Variants in TBC1D30 observed in about 807,000 individuals in gnomAD.
TBC1D30 encodes TBC1 domain family member 30.
Under a neutral mutation model 63.2 loss-of-function variants are expected in TBC1D30, and 31 were observed. The ratio of observed to expected loss-of-function variants is 0.49; its 90% CI spans 0.37 to 0.66. The LOEUF (loss-of-function observed/expected upper bound fraction) is 0.66, where lower values mean the gene tolerates loss of function less well. Ranked by LOEUF, TBC1D30 falls within the 30% of genes least tolerant of loss-of-function variation. The pLI is 0.00. For synonymous variants in TBC1D30, 307 were observed against 361.5 expected (o/e 0.85, Z 1.71); for missense variants, 810 against 953.6 (o/e 0.85, Z 1.98).
intron 8 of TBC1D30, among the ~76,000 whole-genome samples, chr12:64,848,933 T>C (rs1876630658): frequency 6.6e-6 from 1 of 152,126 alleles, no homozygotes; most frequent in Non-Finnish European, 1.5e-5. Context: ...CTCTCCAGCA[T>C]CTGTTGTTTC....
chr12:64,785,785 A>T, intron 1 of TBC1D30: 1 of 1,018,552 alleles, frequency 9.8e-7, no homozygotes, highest in Non-Finnish European at 1.3e-6. Context: ...TAGTTGGTTT[A>T]AATGGATGTT....
intron 5 of TBC1D30, among the ~76,000 whole-genome samples, chr12:64,835,387 G>A (rs577108519): frequency 1.3e-5 from 2 of 152,232 alleles, no homozygotes; most frequent in East Asian, 3.9e-4. Flanking sequence ...TTGTTTTTGT[G>A]GGGCGGGTTA....
intron 8 of TBC1D30, among the ~76,000 whole-genome samples, chr12:64,843,730 AT>A (rs1876107007): frequency 6.6e-6 from 1 of 152,222 alleles, no homozygotes; most frequent in Admixed American, 6.5e-5. Context: ...TAGCAGCAAT[AT>A]AAACTGGAAA....
chr12:64,845,675 G>A (rs1352634342), intron 8 of TBC1D30, among the ~76,000 whole-genome samples: 6 of 149,872 alleles, frequency 4.0e-5, no homozygotes, highest in Non-Finnish European at 7.4e-5. Context: ...GCAGTGAGCC[G>A]AGATCGTGCC....
intron 2 of TBC1D30, among the ~76,000 whole-genome samples, chr12:64,802,627 C>T (rs1011658872): frequency 6.6e-5 from 10 of 152,014 alleles, no homozygotes; most frequent in Non-Finnish European, 1.2e-4. Flanking sequence ...AGGTATATCT[C>T]CTAATGCTAT....
intron 1 of TBC1D30, among the ~76,000 whole-genome samples, chr12:64,763,186 C>T (rs972428541): frequency 6.6e-6 from 1 of 152,122 alleles, no homozygotes; most frequent in African/African-American, 2.4e-5. Context: ...GAACTCCTGA[C>T]TTCAGGTGAT....
intron 8 of TBC1D30, among the ~76,000 whole-genome samples, chr12:64,853,757 C>G (rs991253051): frequency 6.6e-6 from 1 of 152,184 alleles, no homozygotes; most frequent in African/African-American, 2.4e-5. Flanking sequence ...GTTTCCCAAC[C>G]CCTTGTGTTT....
intron 4 of TBC1D30, among the ~76,000 whole-genome samples, chr12:64,830,715 C>T (rs1322718949): frequency 6.6e-6 from 1 of 152,154 alleles, no homozygotes; most frequent in African/African-American, 2.4e-5. Context: ...AAAATATTTG[C>T]AAATGAGCTT....
intron 1 of TBC1D30, chr12:64,781,398 CTG>C: frequency 1.0e-6 from 1 of 984,856 alleles, no homozygotes; most frequent in Non-Finnish European, 1.2e-6. Flanking sequence ...CGCTCAGATA[CTG>C]TCTCTTTGGA....
intron 8 of TBC1D30, among the ~76,000 whole-genome samples, chr12:64,850,829 GA>G (rs1448463302): frequency 8.5e-5 from 13 of 152,214 alleles, no homozygotes; most frequent in Admixed American, 5.9e-4. Flanking sequence ...CTATTGATTG[GA>G]ATAGTTTCAG....
Position 64,764,013 on chromosome 12 carries a change from G to A in TBC1D30, c.-376+4364G>A, listed in dbSNP as rs970108919. 8.5e-5 allele frequency among the ~76,000 whole-genome samples: 13 copies of A among 152,170 alleles called. 1 individual carries two copies. The highest frequency in any genetic ancestry group is 3.1e-4 in the African/African-American group (13 of 41,440). ...TGTTAACAGATGACTGATTATAAATGCTGTTTAACCACAGGTTAAAATAAC... is the reference window on the plus strand; with the variant it reads ...TGTTAACAGATGACTGATTATAAATACTGTTTAACCACAGGTTAAAATAAC... On this transcript the variant is annotated intron_variant, in intron 1 of 13. Transcript: ENST00000674237.
At chr12:64,814,518 A>G (rs1177349765) in intron 2 of TBC1D30, among the ~76,000 whole-genome samples, 2 of 152,240 alleles carry the variant, frequency 1.3e-5, no homozygotes, top group African/African-American at 2.4e-5. Context: ...TTAGTTTTCA[A>G]GTATCAGGAA....
chr12:64,768,816 G>A (rs1170197461), intron 1 of TBC1D30, among the ~76,000 whole-genome samples: 1 of 152,076 alleles, frequency 6.6e-6, no homozygotes, highest in African/African-American at 2.4e-5. Context: ...TATTTTATAG[G>A]CTGTATAACA....
At chr12:64,778,945 T>C (rs899594175), upstream of TBC1D30, 1 of 152,174 alleles carries the variant, frequency 6.6e-6, no homozygotes, top group Non-Finnish European at 1.5e-5. Flanking sequence ...AGTTTTTAGT[T>C]TGCCATTTTC....
chr12:64,776,407 G>A (rs1036729909), upstream of TBC1D30, among the ~76,000 whole-genome samples: 1 of 151,960 alleles, frequency 6.6e-6, no homozygotes, highest in Non-Finnish European at 1.5e-5. Flanking sequence ...TAAACACAGT[G>A]AAAAATGGTA....
At chr12:64,860,943 G>A (rs1381401073) in intron 8 of TBC1D30, among the ~76,000 whole-genome samples, 1 of 152,190 alleles carries the variant, frequency 6.6e-6, no homozygotes, top group Non-Finnish European at 1.5e-5. Flanking sequence ...GAAGAATAAG[G>A]CAACATCTCA....
At chr12:64,788,035 GA>G (rs946993378) in intron 2 of TBC1D30, among the ~76,000 whole-genome samples, 42 of 143,292 alleles carry the variant, frequency 2.9e-4, no homozygotes, top group South Asian at 2.0e-3. Flanking sequence ...CTCTGTCTCA[GA>G]AAAAAAAAAA....
chr12:64,849,266 G>A (rs1195470036), intron 8 of TBC1D30, among the ~76,000 whole-genome samples: 1 of 152,124 alleles, frequency 6.6e-6, no homozygotes, highest in African/African-American at 2.4e-5. Flanking sequence ...CTGTGCAGAA[G>A]CTCTTTAGTT....
Position 64,864,751 on chromosome 12 carries a change from A to C in TBC1D30, c.1122A>C (p.Pro374=). Residue 374 remains proline, a synonymous_variant, in exon 9 of 12, where the codon CCA becomes CCC. Transcript: ENST00000539867. ...ACACCTACAACATTACACCGTTCCCAGCCACAGTTAAACCCACCTCAGTTT... is the reference window on the plus strand; with the variant it reads ...ACACCTACAACATTACACCGTTCCCCGCCACAGTTAAACCCACCTCAGTTT... ...EKYTYNITPF[P]ATVKPTSVSG... 6.5e-7 allele frequency: 1 copy of C among 1,536,148 alleles called. No homozygotes were observed. The highest frequency in any genetic ancestry group is 2.4e-5 in the East Asian group (1 of 40,918).
Sources: gnomAD v4.1 joint callset for allele counts (sites outside exome capture counted in the v4.1 genomes callset) on GRCh38, gnomAD v4.1.1 for gene constraint, MANE v1.5 for transcripts, NCBI Gene and HGNC (gene_info 2026-07-23, HGNC 2026-07-21) for gene names.